TNIK: variants seen among roughly 807,000 people sequenced by gnomAD.
TNIK encodes the protein TRAF2 and NCK interacting kinase.
A neutral mutation model predicts 191.3 loss-of-function variants in TNIK; 49 were observed. That is an observed-to-expected ratio of 0.26 (90% CI 0.20 to 0.32). TNIK has a LOEUF of 0.32. Ranked by LOEUF, TNIK falls within the 10% of genes least tolerant of loss-of-function variation. TNIK has a pLI of 1.00. For missense variants in TNIK, 1,155 were observed against 1,702.3 expected (o/e 0.68, Z 5.66); for synonymous variants, 594 against 600.9 (o/e 0.99, Z 0.17).
At chr3:171,093,711 C>T in intron 23 of TNIK, 128 bp downstream of exon 23, 1 of 1,236,110 alleles carries the variant, frequency 8.1e-7, no homozygotes. Flanking sequence ...TTTGGAAGCA[C>T]AGGTCCTCCC....
At chr3:171,200,570 C>T (rs1739283769) in intron 4 of TNIK, among the ~76,000 whole-genome samples, 1 of 152,070 alleles carries the variant, frequency 6.6e-6, no homozygotes, top group Admixed American at 6.5e-5. Flanking sequence ...GTGCTTCTCC[C>T]CTCTCCAGGA....
chr3:171,283,963 T>C (rs917622492), intron 2 of TNIK, among the ~76,000 whole-genome samples: 1 of 152,218 alleles, frequency 6.6e-6, no homozygotes, highest in African/African-American at 2.4e-5. Context: ...CACAGCTTCA[T>C]TGGCAAAGAC....
chr3:171,241,323 T>C (rs929799573), intron 2 of TNIK, among the ~76,000 whole-genome samples: 2 of 152,158 alleles, frequency 1.3e-5, no homozygotes, highest in East Asian at 3.8e-4. Context: ...CTGTTCTCTT[T>C]TTAAAAATTC....
chr3:171,425,565 C>T (rs1386249025), intron 1 of TNIK, among the ~76,000 whole-genome samples: 2 of 152,088 alleles, frequency 1.3e-5, no homozygotes, highest in African/African-American at 4.8e-5. Context: ...GTGGCTCACG[C>T]CTGTAATCCC....
chr3:171,438,776 G>A (rs886428994), intron 1 of TNIK, among the ~76,000 whole-genome samples: 60 of 152,278 alleles, frequency 3.9e-4, no homozygotes, highest in Admixed American at 6.5e-4. Flanking sequence ...GCTCGATCAG[G>A]TTAACAAAAG....
In TNIK at chr3:171,125,080, T is replaced by C. The variant is rs116678034; in HGVS notation, c.2013+832A>G. 3.0e-3 allele frequency among the ~76,000 whole-genome samples: 450 copies of C among 152,344 alleles called. 2 individuals carry two copies. Among genetic ancestry groups the C allele is most frequent in the African/African-American group, 0.01 (423 of 41,578 alleles). On this transcript the variant is annotated intron_variant, in intron 17 of 32. Transcript: ENST00000436636. ...AATGTATTTGTAATTGAGTAAAAGC[T>C]TCTTTTTCTTCTGGAATTAACAGTG...
intron 2 of TNIK, among the ~76,000 whole-genome samples, chr3:171,304,147 C>T (rs1560400797): frequency 2.0e-5 from 3 of 152,044 alleles, no homozygotes; most frequent in Non-Finnish European, 1.5e-5. Context: ...AACAAGGTGG[C>T]CACAGTCAGA....
intron 2 of TNIK, among the ~76,000 whole-genome samples, chr3:171,320,864 T>C (rs1263512942): frequency 6.6e-6 from 1 of 152,180 alleles, no homozygotes; most frequent in Non-Finnish European, 1.5e-5. Flanking sequence ...TGGCTATTAA[T>C]AGTCCCACTC....
At chr3:171,319,214 C>A (rs1754941149) in intron 2 of TNIK, among the ~76,000 whole-genome samples, 1 of 151,938 alleles carries the variant, frequency 6.6e-6, no homozygotes, top group South Asian at 2.1e-4. Context: ...AAATTACATG[C>A]AAAAACACCA....
chr3:171,262,304 C>A (rs1185099971), intron 2 of TNIK, among the ~76,000 whole-genome samples: 4 of 152,292 alleles, frequency 2.6e-5, no homozygotes, highest in Admixed American at 1.3e-4. Flanking sequence ...CACCCCACCC[C>A]ACTCCACCTC....
At chr3:171,120,520 C>T (rs868720702) in intron 18 of TNIK, among the ~76,000 whole-genome samples, 18 of 152,174 alleles carry the variant, frequency 1.2e-4, no homozygotes, top group African/African-American at 3.6e-4. Context: ...GGGGTTTCAC[C>T]GTGTTAGCCA....
At chr3:171,185,845 T>C (rs1302063018) in intron 7 of TNIK, among the ~76,000 whole-genome samples, 2 of 152,254 alleles carry the variant, frequency 1.3e-5, no homozygotes, top group African/African-American at 4.8e-5. Flanking sequence ...CTTGTCTTTA[T>C]TTTACAGAAA....
intron 4 of TNIK, among the ~76,000 whole-genome samples, chr3:171,195,164 A>G (rs1738540029): frequency 6.6e-6 from 1 of 152,214 alleles, no homozygotes; most frequent in Non-Finnish European, 1.5e-5. Context: ...TAAATTCAAT[A>G]AACAATAAAC....
intron 2 of TNIK, among the ~76,000 whole-genome samples, chr3:171,293,737 TAA>T (rs1208023654): frequency 6.6e-6 from 1 of 151,604 alleles, no homozygotes; most frequent in Non-Finnish European, 1.5e-5. Context: ...GATAATGACA[TAA>T]AGTTTACTTT....
chr3:171,093,489 G>A (rs1377631417), intron 23 of TNIK, among the ~76,000 whole-genome samples: 1 of 152,138 alleles, frequency 6.6e-6, no homozygotes, highest in Non-Finnish European at 1.5e-5. Flanking sequence ...GACATAACAA[G>A]GCCAGTGATG....
intron 21 of TNIK, among the ~76,000 whole-genome samples, chr3:171,104,105 G>A (rs370188091): frequency 1.3e-5 from 2 of 151,272 alleles, no homozygotes; most frequent in African/African-American, 2.5e-5. Flanking sequence ...GTTTGGAGGC[G>A]AGACATATAC....
At chr3:171,396,356 G>T (rs1250011149) in intron 1 of TNIK, among the ~76,000 whole-genome samples, 2 of 152,142 alleles carry the variant, frequency 1.3e-5, no homozygotes, top group Admixed American at 6.5e-5. Flanking sequence ...CCATTCATCA[G>T]TTGATGGACA....
At chr3:171,282,772 C>A (rs1162699130) in intron 2 of TNIK, among the ~76,000 whole-genome samples, 2 of 152,186 alleles carry the variant, frequency 1.3e-5, no homozygotes, top group African/African-American at 4.8e-5. Context: ...TCTCAAGAGA[C>A]TGAAAACTAT....
rs535158038 is a variant in TNIK, at chr3:171,176,768, G to A, written c.694+558C>T. 2.6e-5 allele frequency among the ~76,000 whole-genome samples: 4 copies of A among 152,346 alleles called. No homozygotes were observed. In the East Asian group the frequency reaches 7.7e-4, roughly 29 times the overall value. On this transcript the variant is annotated intron_variant, in intron 8 of 32. Transcript: ENST00000436636. ...AGTTACACTTCCTATATGGAAGTCT[G>A]TGAGGCACAGTCTCATGACAGAGAC... is the stretch of plus-strand genomic sequence containing the variant.
Sources: gnomAD v4.1 joint callset for allele counts (sites outside exome capture counted in the v4.1 genomes callset) on GRCh38, gnomAD v4.1.1 for gene constraint, MANE v1.5 for transcripts, NCBI Gene and HGNC (gene_info 2026-07-23, HGNC 2026-07-21) for gene names.